KIAA1217: variants seen among roughly 807,000 people sequenced by gnomAD.
KIAA1217 encodes KIAA1217.
In KIAA1217, 88 loss-of-function variants were observed where a neutral mutation model predicts 163.9. The observed-to-expected ratio is 0.54, with a 90% CI of 0.45 to 0.64. The LOEUF is 0.64. Among genes scored for constraint, KIAA1217 ranks in the 30% least tolerant of loss-of-function variants. The pLI is 0.00. For missense variants in KIAA1217, 2,372 were observed against 2,475.0 expected (o/e 0.96, Z 0.88); for synonymous variants, 903 against 923.1 (o/e 0.98, Z 0.39).
intron 2 of KIAA1217, among the ~76,000 whole-genome samples, chr10:24,374,724 G>A (rs527404647): frequency 2.8e-4 from 42 of 152,294 alleles, no homozygotes; most frequent in Admixed American, 9.2e-4. Flanking sequence ...CACAGAAGCC[G>A]TGGGAAGTTG....
At chr10:23,792,518 G>GTCTC (rs1025391609) in intron 1 of KIAA1217, among the ~76,000 whole-genome samples, 13 of 151,358 alleles carry the variant, frequency 8.6e-5, no homozygotes, top group African/African-American at 2.9e-4. Context: ...TTGAGATGGA[G>GTCTC]TCTCGCTCTG....
chr10:24,497,059 T>C (rs1473143383), intron 8 of KIAA1217, among the ~76,000 whole-genome samples: 1 of 152,230 alleles, frequency 6.6e-6, no homozygotes, highest in African/African-American at 2.4e-5. Context: ...GGGCGAGATA[T>C]CGTCCACAGG....
intron 2 of KIAA1217, among the ~76,000 whole-genome samples, chr10:24,148,660 A>T (rs1470236846): frequency 6.6e-6 from 1 of 152,040 alleles, no homozygotes; most frequent in East Asian, 1.9e-4. Flanking sequence ...TTCCGCCTTG[A>T]TTGTAAGCTT....
intron 1 of KIAA1217, among the ~76,000 whole-genome samples, chr10:23,866,024 T>C (rs1046292494): frequency 6.6e-6 from 1 of 152,182 alleles, no homozygotes; most frequent in Non-Finnish European, 1.5e-5. Flanking sequence ...AACATACATA[T>C]GCTGTATTCT....
intron 3 of KIAA1217, among the ~76,000 whole-genome samples, chr10:24,399,710 A>G (rs1340606803): frequency 6.6e-6 from 1 of 152,232 alleles, no homozygotes; most frequent in Admixed American, 6.5e-5. Flanking sequence ...TGCTTCAGAA[A>G]GAGTCCAAAA....
intron 8 of KIAA1217, among the ~76,000 whole-genome samples, chr10:24,501,117 G>C (rs1488528055): frequency 6.6e-6 from 1 of 151,922 alleles, no homozygotes; most frequent in Non-Finnish European, 1.5e-5. Flanking sequence ...TTGATCAATT[G>C]ATAGAACAAT....
At chr10:23,882,474 G>T (rs1016428009) in intron 1 of KIAA1217, among the ~76,000 whole-genome samples, 2 of 151,862 alleles carry the variant, frequency 1.3e-5, no homozygotes, top group African/African-American at 2.4e-5. Context: ...TGGTGGTTGG[G>T]AAACACGGTT....
chr10:23,971,330 G>A (rs1054526044), intron 1 of KIAA1217, among the ~76,000 whole-genome samples: 9 of 152,170 alleles, frequency 5.9e-5, no homozygotes, highest in Admixed American at 3.3e-4. Context: ...AGATCTTATT[G>A]GGAAGCTGCT....
intron 1 of KIAA1217, among the ~76,000 whole-genome samples, chr10:23,887,913 G>T (rs1166407562): frequency 1.3e-5 from 2 of 151,838 alleles, no homozygotes; most frequent in Non-Finnish European, 1.5e-5. Context: ...CTACTGGCCA[G>T]TGCTTATGAT....
At chr10:24,286,824 C>G (rs1244519084) in intron 2 of KIAA1217, among the ~76,000 whole-genome samples, 1 of 152,130 alleles carries the variant, frequency 6.6e-6, no homozygotes, top group African/African-American at 2.4e-5. Context: ...TTCAGATAGT[C>G]AAACATATGA....
At chr10:23,747,689 A>G (rs935379814) in intron 1 of KIAA1217, among the ~76,000 whole-genome samples, 3 of 152,222 alleles carry the variant, frequency 2.0e-5, no homozygotes, top group African/African-American at 7.2e-5. Context: ...TACAAAGGTC[A>G]GAAAGATACA....
chr10:24,498,514 A>G (rs2067107162), intron 8 of KIAA1217, among the ~76,000 whole-genome samples: 1 of 152,190 alleles, frequency 6.6e-6, no homozygotes, highest in African/African-American at 2.4e-5. Context: ...TTAAGTGAGT[A>G]TAGATTCCAT....
rs71397919 is a variant in KIAA1217, at chr10:23,818,110, C to CATAT, written c.-321+122886_-321+122889dup. 2.2e-3 allele frequency among the ~76,000 whole-genome samples: 290 copies of CATAT among 130,828 alleles called. 2 individuals are homozygous for CATAT. The highest frequency in any genetic ancestry group is 8.2e-3 in the African/African-American group (271 of 32,886). 85.8% of individuals were successfully genotyped at this position (130,828 alleles called of 152,430 possible). ...AGATATACATACACACACACACACA[C>CATAT]ATATATATATATACTCACACACACA... On this transcript the variant is annotated intron_variant, in intron 1 of 18. Transcript: ENST00000376462.
At position 24,473,704 on chromosome 10, in the gene KIAA1217, A is replaced by C. The variant is rs1213114901; in HGVS notation, c.1323A>C (p.Gln441His). 1 of 1,614,042 alleles carries C rather than the reference A, an allele frequency of 6.2e-7. No individual in the cohort carries two copies. The highest frequency in any genetic ancestry group is 1.3e-5 in the African/African-American group (1 of 75,014). ...GTGCTTATTGTAACCCCTCAATGCA[A>C]GCGGAAATGCATATGGAACAATCAC... ...SASAYCNPSMQAEMHMEQSLY... is the reference protein window; with the variant it reads ...SASAYCNPSMHAEMHMEQSLY... The change falls in exon 6 of 21, where the codon CAA becomes CAC. Residue 441 changes from glutamine to histidine, a missense_variant. Gln to His is a conservative substitution (Grantham distance 24). Transcript: ENST00000376454.
chr10:23,907,177 G>C (rs1842195911), intron 1 of KIAA1217, among the ~76,000 whole-genome samples: 2 of 151,924 alleles, frequency 1.3e-5, no homozygotes, highest in African/African-American at 2.4e-5. Flanking sequence ...CAACAAATAG[G>C]CTGCATCTTT....
At chr10:24,190,870 A>G (rs2066684358) in intron 2 of KIAA1217, among the ~76,000 whole-genome samples, 1 of 147,376 alleles carries the variant, frequency 6.8e-6, no homozygotes, top group African/African-American at 2.5e-5. Context: ...GAAAGGGATA[A>G]CCAGGACATG....
intron 2 of KIAA1217, among the ~76,000 whole-genome samples, chr10:24,318,133 CT>C (rs774969640): frequency 3.9e-5 from 6 of 152,016 alleles, no homozygotes; most frequent in Non-Finnish European, 8.8e-5. Context: ...ATAGCAGAAC[CT>C]GTCTCTAAAT....
intron 2 of KIAA1217, among the ~76,000 whole-genome samples, chr10:24,303,081 A>G (rs1028603174): frequency 3.3e-5 from 5 of 152,126 alleles, no homozygotes; most frequent in East Asian, 1.9e-4. Flanking sequence ...TGGCTCAATC[A>G]TAGTTCACTG....
upstream of KIAA1217, among the ~76,000 whole-genome samples, chr10:24,204,566 C>T (rs1006177889): frequency 6.6e-6 from 1 of 152,126 alleles, no homozygotes; most frequent in South Asian, 2.1e-4. Context: ...ATTTGGAAAC[C>T]TAAGGCGCCC....
Sources: allele counts gnomAD v4.1 joint callset (sites outside exome capture counted in the v4.1 genomes callset), GRCh38; gene constraint gnomAD v4.1.1; transcripts MANE v1.5; gene names NCBI Gene and HGNC (gene_info 2026-07-23, HGNC 2026-07-21).